SLC71A2: variants seen among roughly 807,000 people sequenced by gnomAD.
The protein encoded by SLC71A2 is hippocampus abundant transcript-like 1.
chr9:94,438,199 A>G, the SLC71A2 span, among the ~76,000 whole-genome samples: 16 of 152,284 alleles, frequency 1.1e-4, no homozygotes, highest in Admixed American at 1.0e-3. Context: ...CGGCCTTCCA[A>G]AGTGCTGGGA....
the SLC71A2 span, among the ~76,000 whole-genome samples, chr9:94,409,129 CTTTTTTTTTTTTT>C: frequency 4.0e-4 from 27 of 68,242 alleles, no homozygotes; most frequent in East Asian, 0.015. Context: ...GCCCGGCCTC[CTTTTTTTTTTTTT>C]TTTTTTTTTT....
the SLC71A2 span, among the ~76,000 whole-genome samples, chr9:94,398,183 T>G: frequency 2.0e-5 from 3 of 151,448 alleles, no homozygotes; most frequent in African/African-American, 7.3e-5. Context: ...TGTTCTAGCA[T>G]TGGCCATTGG....
the SLC71A2 span, among the ~76,000 whole-genome samples, chr9:94,422,743 A>C: frequency 6.6e-6 from 1 of 152,156 alleles, no homozygotes; most frequent in Admixed American, 6.6e-5. Context: ...TGGCCATGTG[A>C]ATATCTTTTT....
chr9:94,384,287 T>C, the SLC71A2 span, among the ~76,000 whole-genome samples: 1 of 152,128 alleles, frequency 6.6e-6, no homozygotes, highest in Non-Finnish European at 1.5e-5. Context: ...TATTTCATCT[T>C]GCATAATGTC....
chr9:94,395,487 A>G, the SLC71A2 span, among the ~76,000 whole-genome samples: 1 of 152,098 alleles, frequency 6.6e-6, no homozygotes, highest in East Asian at 1.9e-4. Flanking sequence ...CAGCAGCTTA[A>G]TGATATTGCT....
chr9:94,442,503 G>A, the SLC71A2 span, among the ~76,000 whole-genome samples: 1 of 152,130 alleles, frequency 6.6e-6, no homozygotes. Context: ...AAAGATAGAA[G>A]CTGATAGGAA....
At chr9:94,378,766 A>C in the SLC71A2 span, among the ~76,000 whole-genome samples, 7 of 152,056 alleles carry the variant, frequency 4.6e-5, no homozygotes, top group African/African-American at 1.7e-4. Flanking sequence ...GTCACATTTC[A>C]ACATGAGATT....
At chr9:94,440,200 C>T in the SLC71A2 span, among the ~76,000 whole-genome samples, 7 of 151,872 alleles carry the variant, frequency 4.6e-5, no homozygotes, top group Non-Finnish European at 8.8e-5. Flanking sequence ...GTCGCCCAGG[C>T]TGGAGTGCAG....
chr9:94,406,315 C>T, the SLC71A2 span, among the ~76,000 whole-genome samples: 1 of 152,132 alleles, frequency 6.6e-6, no homozygotes, highest in Non-Finnish European at 1.5e-5. Flanking sequence ...TCTCGGCTCA[C>T]CACAACCCCC....
the SLC71A2 span, among the ~76,000 whole-genome samples, chr9:94,435,004 A>C: frequency 6.6e-6 from 1 of 152,194 alleles, no homozygotes; most frequent in East Asian, 1.9e-4. Flanking sequence ...ACTACAGCTC[A>C]GTATATCAGC....
chr9:94,437,498 A>C, the SLC71A2 span, among the ~76,000 whole-genome samples: 1 of 152,278 alleles, frequency 6.6e-6, no homozygotes, highest in South Asian at 2.1e-4. Flanking sequence ...TCTTCCCCTT[A>C]GTTTCAACTG....
At chr9:94,398,114 T>C in the SLC71A2 span, among the ~76,000 whole-genome samples, 7 of 151,876 alleles carry the variant, frequency 4.6e-5, no homozygotes, top group Middle Eastern at 6.8e-3. Context: ...CTCATAGATA[T>C]TTATTTTGTA....
chr9:94,410,875 C>T, the SLC71A2 span, among the ~76,000 whole-genome samples: 5 of 152,336 alleles, frequency 3.3e-5, no homozygotes, highest in African/African-American at 1.2e-4. Flanking sequence ...CAGTGGTTCT[C>T]CTGCCTCAGC....
the SLC71A2 span, chr9:94,451,550 T>C: frequency 8.5e-7 from 1 of 1,181,452 alleles, no homozygotes; most frequent in Non-Finnish European, 1.2e-6. Flanking sequence ...TTATCTATAC[T>C]TAAAAAATTT....
the SLC71A2 span, among the ~76,000 whole-genome samples, chr9:94,387,709 T>A: frequency 6.6e-6 from 1 of 152,208 alleles, no homozygotes; most frequent in African/African-American, 2.4e-5. Flanking sequence ...GCAATTTTGT[T>A]TTTCGTATTC....
the SLC71A2 span, among the ~76,000 whole-genome samples, chr9:94,404,033 T>C: frequency 6.6e-6 from 1 of 152,118 alleles, no homozygotes; most frequent in Non-Finnish European, 1.5e-5. Context: ...CTCATCCTCT[T>C]TTGCCCTTCC....
chr9:94,396,962 G>A, the SLC71A2 span, among the ~76,000 whole-genome samples: 1 of 152,054 alleles, frequency 6.6e-6, no homozygotes, highest in Admixed American at 6.6e-5. Context: ...TAGAGATGGG[G>A]TTTCTCCATG....
the SLC71A2 span, among the ~76,000 whole-genome samples, chr9:94,418,434 A>T: frequency 6.6e-6 from 1 of 151,934 alleles, no homozygotes; most frequent in East Asian, 1.9e-4. Flanking sequence ...CTATTCACTG[A>T]GTGATTCACA....
At chr9:94,377,105 A>G in the SLC71A2 span, among the ~76,000 whole-genome samples, 1 of 147,430 alleles carries the variant, frequency 6.8e-6, no homozygotes, top group African/African-American at 2.5e-5. Context: ...TGTTTTTCTG[A>G]GTGTGTGGAC....
Sources: allele counts gnomAD v4.1 joint callset (sites outside exome capture counted in the v4.1 genomes callset), GRCh38; gene constraint gnomAD v4.1.1; transcripts MANE v1.5; gene names NCBI Gene and HGNC (gene_info 2026-07-23, HGNC 2026-07-21).